Variants in CNTROB observed in about 807,000 individuals in gnomAD.
CNTROB encodes centrobin, centriole duplication and spindle assembly protein.
Under a neutral mutation model 115.7 loss-of-function variants are expected in CNTROB, and 82 were observed. The observed-to-expected ratio is 0.71, with a 90% confidence interval of 0.59 to 0.85. The LOEUF (loss-of-function observed/expected upper bound fraction) is 0.85, where lower values mean the gene tolerates loss of function less well. CNTROB is among the 40% of genes least tolerant of loss of function. The probability of loss-of-function intolerance (pLI) is 0.00; values close to 1 mark genes in which losing one functional copy is unlikely to be tolerated. For missense variants in CNTROB, 1,014 were observed against 1,144.4 expected (o/e 0.89, Z 1.64); for synonymous variants, 439 against 456.4 (o/e 0.96, Z 0.49).
Position 7,936,476 on chromosome 17 carries a change from G to A in CNTROB, c.705G>A (p.Leu235=), listed in dbSNP as rs777853197. 3 of 1,345,660 alleles carry A rather than the reference G, an allele frequency of 2.2e-6. No homozygotes were observed. Among genetic ancestry groups the A allele is most frequent in the East Asian group, 4.6e-5 (2 of 43,688 alleles). 83.4% of individuals were successfully genotyped at this position (1,345,660 alleles called of 1,614,324 possible). A position where few individuals can be genotyped will look rare whatever the true frequency, so the allele number is the denominator to read the frequency against. The part of the protein sequence containing the change: ...DRKKDTMIEQ[L]DKTLARVVEG... ...AGAAAGATACCATGATTGAACAACTGGACAAGGTACCAGGGTAGCAAAATG... is the reference window on the plus strand; with the variant it reads ...AGAAAGATACCATGATTGAACAACTAGACAAGGTACCAGGGTAGCAAAATG... The change falls in exon 5 of 19, where the codon CTG becomes CTA. Residue 235 remains leucine (L), a synonymous_variant. Transcript: ENST00000563694.
At chr17:7,933,873 C>G (rs1972826226) in intron 1 of CNTROB, among the ~76,000 whole-genome samples, 1 of 152,190 alleles carries the variant, frequency 6.6e-6, no homozygotes, top group Non-Finnish European at 1.5e-5. Context: ...AAAATGATAG[C>G]CATAAGCCAT....
intron 13 of CNTROB, among the ~76,000 whole-genome samples, chr17:7,946,566 G>A (rs936270340): frequency 1.3e-5 from 2 of 152,126 alleles, no homozygotes; most frequent in African/African-American, 2.4e-5. Context: ...AACCTAGGTC[G>A]AATTAAAAAT....
intron 3 of CNTROB, 146 bp from the exon 4 acceptor site, chr17:7,934,843 A>C: frequency 2.3e-6 from 2 of 880,278 alleles, no homozygotes; most frequent in Middle Eastern, 2.3e-4. Context: ...TGTTATTTAT[A>C]GCACTATGGT....
In CNTROB at chr17:7,943,748, T is replaced by A. The variant is rs1974192092; in HGVS notation, c.1445+224T>A. On this transcript the variant is annotated intron_variant, in intron 10 of 18. Transcript: ENST00000563694. This position sits in a 1 kb window ranked among gnomAD's most constrained non-coding sequence, Gnocchi z 4.7. Reference sequence around the variant, plus strand: ...TTTTCATCCCATAGGGAGTAGCCCTTAACCAAGAACTGATGGGTGCAGAAT... The same window carrying A: ...TTTTCATCCCATAGGGAGTAGCCCTAAACCAAGAACTGATGGGTGCAGAAT... 1.8e-6 allele frequency: 1 copy of A among 568,316 alleles called. No individual in the cohort carries two copies. Among genetic ancestry groups the A allele is most frequent in the East Asian group, 2.9e-5 (1 of 34,418 alleles). 35.2% of individuals were successfully genotyped at this position (568,316 alleles called of 1,614,324 possible).
chr17:7,949,804 TC>T lies in CNTROB; in HGVS notation c.*295del, dbSNP rs1208079465. 9.9e-6 allele frequency: 3 copies of T among 302,842 alleles called. No homozygotes were observed. Among genetic ancestry groups the T allele is most frequent in the Admixed American group, 1.0e-4 (2 of 19,950 alleles). 18.8% of individuals were successfully genotyped at this position (302,842 alleles called of 1,614,324 possible). A position where few individuals can be genotyped will look rare whatever the true frequency, so the allele number is the denominator to read the frequency against. On this transcript the variant is annotated 3_prime_UTR_variant, in exon 19 of 19. Transcript: ENST00000563694. ...AGCTAAAACCTGCAGAGCAATGAAC[TC>T]TGGGTGGTAGTGGAATTATGGGTGA...
At chr17:7,949,194 G>C in intron 18 of CNTROB, 37 bp downstream of exon 18, 1 of 1,599,900 alleles carries the variant, frequency 6.3e-7, no homozygotes, top group South Asian at 1.1e-5. Context: ...GGGAGAAAAG[G>C]GCTCTCACTG....
At chr17:7,932,136 G>C (rs1032895551), upstream of CNTROB, 10 of 427,150 alleles carry the variant, frequency 2.3e-5, no homozygotes, top group Non-Finnish European at 4.3e-5. Flanking sequence ...ATACAGAAGT[G>C]ATGTGAGTGT....
intron 9 of CNTROB, among the ~76,000 whole-genome samples, chr17:7,940,953 G>A (rs539616923): frequency 1.3e-5 from 2 of 152,176 alleles, no homozygotes; most frequent in African/African-American, 4.8e-5. Flanking sequence ...GCTATAAACT[G>A]TACGTAAACA....
rs747247020 is a variant in CNTROB at position 7,935,159 on chromosome 17, G to A, written c.594+14G>A. The A allele has an allele frequency of 3.2e-5, 51 of 1,613,906 alleles. 1 individual carries two copies. Among genetic ancestry groups the A allele is most frequent in the East Asian group, 1.1e-4 (5 of 44,882 alleles). ...ACCCGCCGCAAGGTAAGATGCAAAC[G>A]CTTCCTTTCGAAAGCAGCAAAGATT... is the stretch of plus-strand genomic sequence containing the variant. On this transcript the variant is annotated intron_variant, in intron 4 of 18. Coordinates refer to ENST00000563694, the MANE Select transcript of CNTROB (RefSeq NM_053051.5).
At chr17:7,934,966 C>A in intron 3 of CNTROB, 23 bp from the exon 4 acceptor site, 6 of 1,543,096 alleles carry the variant, frequency 3.9e-6, no homozygotes, top group Non-Finnish European at 5.2e-6. Context: ...CCAGCCCTAA[C>A]ATTCTCTACC....
rs1567902745 is a variant in CNTROB, at chr17:7,932,975, TCCTC to T, written c.-101_-98del. 1.6e-6 allele frequency: 2 copies of T among 1,245,698 alleles called. No individual in the cohort carries two copies. Among genetic ancestry groups the T allele is most frequent in the Admixed American group, 2.2e-5 (1 of 45,306 alleles). The allele number at this position is 1,245,698 out of a possible 1,614,324, so 77.2% of individuals were successfully genotyped here. A position where few individuals can be genotyped will look rare whatever the true frequency, so the allele number is the denominator to read the frequency against. On this transcript the variant is annotated 5_prime_UTR_variant, in exon 1 of 19. Transcript: ENST00000563694. ...ACCAAGGATCCTTGGCGTGGAGTCTTCCTCCCTTCTCCCAAGTCTTTCTCCGTGA... is the reference window on the plus strand; with the variant it reads ...ACCAAGGATCCTTGGCGTGGAGTCTTCCTTCTCCCAAGTCTTTCTCCGTGA...
At chr17:7,947,366 G>C (rs1433602102) in intron 13 of CNTROB, among the ~76,000 whole-genome samples, 1 of 152,072 alleles carries the variant, frequency 6.6e-6, no homozygotes, top group African/African-American at 2.4e-5. Flanking sequence ...TTCTGTCTTA[G>C]AATTCAGCTG....
intron 14 of CNTROB, 90 bp downstream of exon 14, chr17:7,947,812 T>C: frequency 1.2e-6 from 2 of 1,607,700 alleles, no homozygotes; most frequent in South Asian, 2.2e-5. Context: ...TCTGGCCTCA[T>C]TCCCTGTTTA....
intron 7 of CNTROB, among the ~76,000 whole-genome samples, chr17:7,937,766 G>A (rs1973356084): frequency 6.6e-6 from 1 of 152,038 alleles, no homozygotes; most frequent in African/African-American, 2.4e-5. Context: ...TCAAGCCACT[G>A]CACTCCAGCC....
chr17:7,941,598 C>CA (rs34778352), intron 9 of CNTROB, among the ~76,000 whole-genome samples: 43,766 of 79,708 alleles, frequency 0.55, 10,982 homozygotes, highest in East Asian at 0.75. Context: ...GACTCCATCT[C>CA]AAAAAAAAAA....
chr17:7,943,691 C>G lies in CNTROB; in HGVS notation c.1445+167C>G. The G allele has an allele frequency of 8.5e-6, 6 of 702,936 alleles. No individual in the cohort carries two copies. In the South Asian group the frequency reaches 1.3e-4, roughly 15 times the overall value. 43.5% of individuals were successfully genotyped at this position (702,936 alleles called of 1,614,324 possible). A position where few individuals can be genotyped will look rare whatever the true frequency, so the allele number is the denominator to read the frequency against. ...GTCTCTCTCGGGAGGGCTGCCTTCACGCGTTCATGGAGAGCCAGAAGTGCC... is the reference window on the plus strand; with the variant it reads ...GTCTCTCTCGGGAGGGCTGCCTTCAGGCGTTCATGGAGAGCCAGAAGTGCC... On this transcript the variant is annotated intron_variant, in intron 10 of 18. Transcript: ENST00000563694. This position sits in a 1 kb window ranked among gnomAD's most constrained non-coding sequence, Gnocchi z 4.7.
Position 7,940,162 on chromosome 17 carries a change from G to C in CNTROB, c.1231G>C (p.Glu411Gln), listed in dbSNP as rs1464906884. 2 of 1,612,782 alleles carry C rather than the reference G, an allele frequency of 1.2e-6. No individual in the cohort carries two copies. Among genetic ancestry groups the C allele is most frequent in the African/African-American group, 2.7e-5 (2 of 74,892 alleles). Residue 411 changes from glutamate (E) to glutamine (Q), a missense_variant, in exon 9 of 19, where the codon GAG (glutamate) becomes CAG (glutamine). Glu to Gln is a conservative substitution (Grantham distance 29, BLOSUM62 2). Coordinates refer to ENST00000563694, the MANE Select transcript of CNTROB (RefSeq NM_053051.5). ...GCACCAGTTGGCATTGGTGCAGTCT[G>C]AGGTGCGGCGGCTGGAAGGAGAGCT... The part of the protein sequence containing the change: ...TQHQLALVQS[E>Q]VRRLEGELDT...
In CNTROB at chr17:7,934,514, C is replaced by G. The variant is rs138373791; in HGVS notation, c.405C>G (p.Ser135=). Residue 135 remains serine (S), a synonymous_variant, in exon 3 of 19, where the codon TCC becomes TCG. Transcript: ENST00000563694. ...GCTCAGAGAGACGGGAAGAGGACTCCTTTGACAGTGATAGCACAGCCACCT... is the reference window on the plus strand; with the variant it reads ...GCTCAGAGAGACGGGAAGAGGACTCGTTTGACAGTGATAGCACAGCCACCT... ...GAGSERREED[S]FDSDSTATLL... The G allele has an allele frequency of 4.9e-4, 790 of 1,614,178 alleles. 9 individuals are homozygous for G. The African/African-American group carries it at 9.6e-3, about 20-fold the overall frequency.
rs767775528 is a variant in CNTROB at position 7,947,635 on chromosome 17, G to A, written c.2058G>A (p.Glu686=). ...PDHRAERPFP[E]EDPGPDGEGL... ...ATAGGGCAGAAAGGCCATTCCCTGA[G>A]GAAGATCCTGGACCTGACGGGGAGG... is the stretch of plus-strand genomic sequence containing the variant. Residue 686 remains glutamate (E), a synonymous_variant, in exon 14 of 19, where the codon GAG becomes GAA. Coordinates refer to ENST00000563694, the MANE Select transcript of CNTROB (RefSeq NM_053051.5). 12 of 1,613,968 alleles carry A rather than the reference G, an allele frequency of 7.4e-6. 1 individual carries two copies. In the South Asian group the frequency reaches 1.2e-4, roughly 16 times the overall value.
Sources: gnomAD v4.1 joint callset for allele counts (sites outside exome capture counted in the v4.1 genomes callset) on GRCh38, gnomAD v4.1.1 for gene constraint, Gnocchi (gnomAD v3.1) non-coding constraint, MANE v1.5 for transcripts, NCBI Gene and HGNC (gene_info 2026-07-23, HGNC 2026-07-21) for gene names.